The following SASS6 variants were observed in gnomAD, a reference collection of about 807,000 sequenced individuals.
SASS6 encodes spindle assembly abnormal protein 6 homolog.
A neutral mutation model predicts 94.9 loss-of-function variants in SASS6; 59 were observed. That is an observed-to-expected ratio of 0.62 (90% CI 0.50 to 0.77). SASS6 has a LOEUF of 0.77. SASS6 is among the 30% of genes least tolerant of loss of function. The pLI is 0.00. For missense variants in SASS6, 698 were observed against 734.1 expected, an observed-to-expected ratio of 0.95 and a Z score of 0.57; for synonymous variants, 264 against 270.0, an observed-to-expected ratio of 0.98 and a Z score of 0.22.
chr1:100,110,348 A>G lies in SASS6; in HGVS notation c.805T>C (p.Tyr269His). Residue 269 changes from tyrosine to histidine, a missense_variant, in exon 8 of 17, where the codon TAT (tyrosine) becomes CAT (histidine). Coordinates refer to ENST00000287482, the MANE Select transcript of SASS6 (RefSeq NM_194292.3). ...AANKDLTERK[Y>H]KGDSTIRELK... Reference sequence around the variant, plus strand: ...TCTCTAATAGTGGAGTCTCCTTTATATTTTCTTTCGGTTAAGTCTTTATTA... The same window carrying G: ...TCTCTAATAGTGGAGTCTCCTTTATGTTTTCTTTCGGTTAAGTCTTTATTA... 1 of 1,606,422 alleles carries G rather than the reference A, an allele frequency of 6.2e-7. No individual in the cohort carries two copies. The highest frequency in any genetic ancestry group is 8.5e-7 in the Non-Finnish European group (1 of 1,176,342).
At chr1:100,088,948 G>A (rs1651497231) in intron 14 of SASS6, among the ~76,000 whole-genome samples, 2 of 151,960 alleles carry the variant, frequency 1.3e-5, no homozygotes, top group Non-Finnish European at 2.9e-5. Context: ...ACAATAAGAT[G>A]TCATACTCAG....
chr1:100,085,152 G>A lies in SASS6; in HGVS notation c.*176C>T. On this transcript the variant is annotated 3_prime_UTR_variant, in exon 17 of 17. Coordinates refer to ENST00000287482, the MANE Select transcript of SASS6 (RefSeq NM_194292.3). ...ACTCACAATCTTTACCAATCCCCAAGTACAAATTTGTTCCTATATTATAAA... is the reference window on the plus strand; with the variant it reads ...ACTCACAATCTTTACCAATCCCCAAATACAAATTTGTTCCTATATTATAAA... The A allele has an allele frequency of 1.8e-6, 1 of 543,582 alleles. No homozygotes were observed. The highest frequency in any genetic ancestry group is 3.3e-6 in the Non-Finnish European group (1 of 303,050). The allele number at this position is 543,582 out of a possible 1,614,324, so 33.7% of individuals were successfully genotyped here.
chr1:100,093,764 A>T (rs555941217), intron 14 of SASS6, among the ~76,000 whole-genome samples: 3 of 152,302 alleles, frequency 2.0e-5, no homozygotes, highest in African/African-American at 7.2e-5. Flanking sequence ...CTGTCTCAAA[A>T]ACAAGAAAAG....
intron 14 of SASS6, among the ~76,000 whole-genome samples, chr1:100,100,158 C>T (rs573401618): frequency 9.9e-5 from 15 of 152,138 alleles, no homozygotes; most frequent in East Asian, 3.9e-4. Flanking sequence ...CTCAGCTACT[C>T]GGGAGGCTGA....
chr1:100,104,661 C>A (rs181589487), intron 13 of SASS6, among the ~76,000 whole-genome samples: 1 of 151,898 alleles, frequency 6.6e-6, no homozygotes, highest in Non-Finnish European at 1.5e-5. Context: ...GGTTTCACCA[C>A]GTTGCCCAGG....
chr1:100,098,235 T>C (rs901609743), intron 14 of SASS6, among the ~76,000 whole-genome samples: 2 of 152,086 alleles, frequency 1.3e-5, no homozygotes, highest in Non-Finnish European at 2.9e-5. Context: ...TATAAAACCA[T>C]TTTATAAATG....
chr1:100,088,920 T>C (rs754296593), intron 14 of SASS6, among the ~76,000 whole-genome samples: 1 of 150,254 alleles, frequency 6.7e-6, no homozygotes, highest in African/African-American at 2.4e-5. Flanking sequence ...GCTCCACTTA[T>C]CAAAAATTAC....
chr1:100,114,780 T>C (rs1326536366), intron 7 of SASS6, among the ~76,000 whole-genome samples: 1 of 151,946 alleles, frequency 6.6e-6, no homozygotes, highest in East Asian at 1.9e-4. Flanking sequence ...GATACAATAG[T>C]TTATTAAAAA....
chr1:100,131,583 T>C (rs1453196867), intron 1 of SASS6, among the ~76,000 whole-genome samples: 1 of 152,180 alleles, frequency 6.6e-6, no homozygotes, highest in Non-Finnish European at 1.5e-5. Context: ...ATTTCAAATG[T>C]CTAATAACCA....
At chr1:100,104,726 A>C (rs1466581478) in intron 13 of SASS6, among the ~76,000 whole-genome samples, 1 of 151,620 alleles carries the variant, frequency 6.6e-6, no homozygotes, top group Non-Finnish European at 1.5e-5. Flanking sequence ...CCTCCCACCC[A>C]AAGTGCTGGG....
rs1651078783 is a variant in SASS6, at chr1:100,084,398, C to T, written c.*930G>A. ...GGTGAATTTTAAAAAAATTTTTCCC[C>T]AAGGAACAATTCTTAAAACTTTCAG... On this transcript the variant is annotated 3_prime_UTR_variant, in exon 17 of 17. Transcript: ENST00000287482. 6.6e-6 allele frequency: 1 copy of T among 151,926 alleles called. No homozygotes were observed. Among genetic ancestry groups the T allele is most frequent in the Non-Finnish European group, 1.5e-5 (1 of 67,928 alleles). The allele number at this position is 151,926 out of a possible 1,614,324, so 9.4% of individuals were successfully genotyped here.
At chr1:100,087,242 C>CA (rs1651363739) in intron 15 of SASS6, among the ~76,000 whole-genome samples, 1 of 152,188 alleles carries the variant, frequency 6.6e-6, no homozygotes, top group African/African-American at 2.4e-5. Flanking sequence ...CTTGGCCTCC[C>CA]AAAGTGTTGG....
At chr1:100,125,669 CAAAAAAA>C (rs11299065) in intron 2 of SASS6, among the ~76,000 whole-genome samples, 1 of 80,360 alleles carries the variant, frequency 1.2e-5, no homozygotes, top group African/African-American at 4.4e-5. Flanking sequence ...GACTCCATCT[CAAAAAAA>C]AAAAAAAAAA....
chr1:100,112,398 T>A (rs1653415797), intron 7 of SASS6, among the ~76,000 whole-genome samples: 1 of 152,134 alleles, frequency 6.6e-6, no homozygotes, highest in African/African-American at 2.4e-5. Flanking sequence ...TTCTACGTGT[T>A]GCTAGGACTT....
Position 100,119,144 on chromosome 1 carries a change from T to G in SASS6, c.550-7A>C, listed in dbSNP as rs372772631. The G allele has an allele frequency of 1.6e-4, 240 of 1,496,042 alleles. 1 individual carries two copies. The highest frequency in any genetic ancestry group is 2.1e-4 in the Non-Finnish European group (229 of 1,096,096). 92.7% of individuals were successfully genotyped at this position (1,496,042 alleles called of 1,614,324 possible). A position where few individuals can be genotyped will look rare whatever the true frequency, so the allele number is the denominator to read the frequency against. On this transcript the variant is annotated splice_region_variant and splice_polypyrimidine_tract_variant and intron_variant, in intron 6 of 16. Transcript: ENST00000287482. The stretch of plus-strand genomic sequence containing the variant: ...GTTTTTTTTCTGCTAATGTCTACAT[T>G]AGAGTTTAACACAAAATATTAAGAT...
intron 1 of SASS6, among the ~76,000 whole-genome samples, chr1:100,131,638 T>C (rs1655039020): frequency 6.6e-6 from 1 of 152,138 alleles, no homozygotes; most frequent in South Asian, 2.1e-4. Context: ...AAAAGAATGA[T>C]CAACTAAACC....
chr1:100,113,616 G>A (rs757025597), intron 7 of SASS6, among the ~76,000 whole-genome samples: 10 of 146,140 alleles, frequency 6.8e-5, no homozygotes, highest in Non-Finnish European at 1.1e-4. Context: ...AGTGAGACTC[G>A]GTCTCAAAAA....
At chr1:100,086,521 T>C (rs1473556693) in intron 15 of SASS6, among the ~76,000 whole-genome samples, 1 of 151,894 alleles carries the variant, frequency 6.6e-6, no homozygotes, top group Non-Finnish European at 1.5e-5. Context: ...TGATTTTTTT[T>C]TTTTTTTTTG....
intron 1 of SASS6, among the ~76,000 whole-genome samples, chr1:100,129,267 T>C (rs1654843764): frequency 6.6e-6 from 1 of 151,028 alleles, no homozygotes; most frequent in South Asian, 2.1e-4. Context: ...TTTTTGAACA[T>C]AGGATGACAC....
Sources: gnomAD v4.1 joint callset for allele counts (sites outside exome capture counted in the v4.1 genomes callset) on GRCh38, gnomAD v4.1.1 for gene constraint, MANE v1.5 for transcripts, NCBI Gene and HGNC (gene_info 2026-07-23, HGNC 2026-07-21) for gene names.